Variants in ATP10D observed in about 807,000 individuals in gnomAD.
ATP10D encodes the protein ATPase phospholipid transporting 10D (putative).
Under a neutral mutation model 144.8 loss-of-function variants are expected in ATP10D, and 89 were observed. The ratio of observed to expected loss-of-function variants is 0.61; its 90% confidence interval spans 0.52 to 0.73. The LOEUF (loss-of-function observed/expected upper bound fraction) is 0.73, where lower values mean the gene tolerates loss of function less well. Ranked by LOEUF, ATP10D falls within the 30% of genes least tolerant of loss-of-function variation. The pLI is 0.00. For missense variants in ATP10D, 1,603 were observed against 1,714.8 expected (o/e 0.93, Z 1.15); for synonymous variants, 571 against 615.1 (o/e 0.93, Z 1.06).
At chr4:47,569,412 C>T (rs1387218529) in intron 16 of ATP10D, among the ~76,000 whole-genome samples, 1 of 139,506 alleles carries the variant, frequency 7.2e-6, no homozygotes. Flanking sequence ...CCCAAATCAA[C>T]AAGCTTAAAT....
chr4:47,551,339 C>T (rs921824954), intron 10 of ATP10D, among the ~76,000 whole-genome samples: 3 of 152,156 alleles, frequency 2.0e-5, no homozygotes, highest in African/African-American at 7.2e-5. Flanking sequence ...AGACTCTCAC[C>T]AGGAAACCAA....
At chr4:47,562,664 G>A (rs544758509) in intron 14 of ATP10D, among the ~76,000 whole-genome samples, 9 of 152,120 alleles carry the variant, frequency 5.9e-5, no homozygotes, top group African/African-American at 9.6e-5. Flanking sequence ...TGGAATTACC[G>A]TTCAATCCAA....
intron 7 of ATP10D, 22 bp from the exon 8 acceptor site, chr4:47,536,415 A>T (rs767801095): frequency 3.1e-6 from 5 of 1,608,994 alleles, no homozygotes; most frequent in Non-Finnish European, 4.2e-6. Flanking sequence ...CATCCTTTTG[A>T]TGTCTGTGTA....
intron 5 of ATP10D, among the ~76,000 whole-genome samples, chr4:47,526,432 C>T (rs1717249437): frequency 6.6e-6 from 1 of 152,078 alleles, no homozygotes; most frequent in South Asian, 2.1e-4. Context: ...TAAAAGGCAC[C>T]CATGAAAAAC....
Position 47,528,626 on chromosome 4 carries a change from G to A in ATP10D, c.776+2984G>A, listed in dbSNP as rs146357572. Among the ~76,000 whole-genome samples, 299 of 151,678 alleles carry A rather than the reference G, an allele frequency of 2.0e-3. 2 individuals carry two copies. The highest frequency in any genetic ancestry group is 6.9e-3 in the African/African-American group (285 of 41,338). On this transcript the variant is annotated intron_variant, in intron 5 of 22. Transcript: ENST00000273859. ...GCATGATAAGAAACACATAAGTGTG[G>A]GTGTGTTCTTAATATAACATTTTCT...
intron 9 of ATP10D, among the ~76,000 whole-genome samples, chr4:47,545,836 AT>A (rs1377898581): frequency 6.6e-6 from 1 of 151,824 alleles, no homozygotes; most frequent in African/African-American, 2.4e-5. Flanking sequence ...CATAGGATCT[AT>A]TATAAATTGT....
rs769460554 is a variant in ATP10D, at chr4:47,536,579, A to G, written c.1143+15A>G. On this transcript the variant is annotated intron_variant, in intron 8 of 22. Transcript: ENST00000273859. ...TTTTGTTACAGGTAATTTTTTATCAAGCTTATGGTAGAATTTTAACATCTT... is the reference window on the plus strand; with the variant it reads ...TTTTGTTACAGGTAATTTTTTATCAGGCTTATGGTAGAATTTTAACATCTT... 7.5e-6 allele frequency: 12 copies of G among 1,610,058 alleles called. No individual in the cohort carries two copies. In the South Asian group the frequency reaches 1.2e-4, roughly 16 times the overall value.
Position 47,523,017 on chromosome 4 carries a change from A to G in ATP10D, c.491A>G (p.Glu164Gly). 1 of 1,605,534 alleles carries G rather than the reference A, an allele frequency of 6.2e-7. No homozygotes were observed. The highest frequency in any genetic ancestry group is 8.5e-7 in the Non-Finnish European group (1 of 1,175,068). Reference protein sequence around the residue: ...NLITKVYSRKEKKYIDRCWKD... With the variant: ...NLITKVYSRKGKKYIDRCWKD... ...TAACTTTTTTTTAATTACAGGAAAG[A>G]GAAAAAATACATTGACCGATGCTGG... is the stretch of plus-strand genomic sequence containing the variant. The change falls in exon 4 of 23, where the codon GAG becomes GGG. Residue 164 changes from glutamate (E) to glycine (G), a missense_variant. Transcript: ENST00000273859.
intron 1 of ATP10D, among the ~76,000 whole-genome samples, chr4:47,503,447 T>C (rs1715824008): frequency 6.6e-6 from 1 of 152,216 alleles, no homozygotes; most frequent in Non-Finnish European, 1.5e-5. Context: ...TGTGCTTCAG[T>C]ACAGTTGACC....
intron 9 of ATP10D, among the ~76,000 whole-genome samples, chr4:47,540,575 A>G (rs1358617855): frequency 6.6e-6 from 1 of 152,180 alleles, no homozygotes; most frequent in East Asian, 1.9e-4. Flanking sequence ...ATAATTTTAG[A>G]TTTACAGAAA....
At position 47,536,984 on chromosome 4, in the gene ATP10D, T is replaced by C. The variant is rs746307375; in HGVS notation, c.1396+46T>C. On this transcript the variant is annotated intron_variant, in intron 9 of 22. Transcript: ENST00000273859. ...AAAACCAACCTTAGCATTGGTCTTTTTTTGAAACCACTTAAGTGTTGGATG... is the reference window on the plus strand; with the variant it reads ...AAAACCAACCTTAGCATTGGTCTTTCTTTGAAACCACTTAAGTGTTGGATG... 5.8e-6 allele frequency: 9 copies of C among 1,550,864 alleles called. No homozygotes were observed. The Admixed American group carries it at 1.9e-4, about 32-fold the overall frequency.
At chr4:47,501,126 A>G (rs10033473) in intron 1 of ATP10D, among the ~76,000 whole-genome samples, 20,247 of 152,196 alleles carry the variant, frequency 0.13, 1,488 homozygotes, top group African/African-American at 0.19. Flanking sequence ...GAGAATATAC[A>G]AGGAAGTGAT....
chr4:47,518,156 A>G (rs1716777735), intron 3 of ATP10D, among the ~76,000 whole-genome samples: 1 of 152,176 alleles, frequency 6.6e-6, no homozygotes, highest in Non-Finnish European at 1.5e-5. Context: ...CCACAAATTT[A>G]GGGTGAAATT....
At chr4:47,514,391 A>C (rs1181956206) in intron 2 of ATP10D, among the ~76,000 whole-genome samples, 1 of 152,224 alleles carries the variant, frequency 6.6e-6, no homozygotes, top group African/African-American at 2.4e-5. Flanking sequence ...CCACCTGGAA[A>C]GAATTGAAGC....
intron 2 of ATP10D, among the ~76,000 whole-genome samples, 171 bp downstream of exon 2, chr4:47,513,001 A>G (rs10049818): frequency 0.019 from 2,836 of 152,222 alleles, 89 homozygotes; most frequent in African/African-American, 0.065. Context: ...TTCACGTAGC[A>G]CTTTCCAATT....
intron 1 of ATP10D, 131 bp from the exon 2 acceptor site, chr4:47,512,373 C>T (rs577914843): frequency 5.0e-6 from 3 of 599,540 alleles, no homozygotes; most frequent in South Asian, 5.1e-5. Context: ...CTAAAGACTA[C>T]TTTTACTTTC....
At chr4:47,519,950 T>C (rs1424559433) in intron 3 of ATP10D, among the ~76,000 whole-genome samples, 1 of 152,196 alleles carries the variant, frequency 6.6e-6, no homozygotes, top group Non-Finnish European at 1.5e-5. Context: ...AGCTAGCCAG[T>C]GATTGGGAAA....
chr4:47,579,289 G>C (rs889042239), intron 19 of ATP10D, among the ~76,000 whole-genome samples: 2 of 152,118 alleles, frequency 1.3e-5, no homozygotes, highest in Admixed American at 6.5e-5. Flanking sequence ...TTATTAACCC[G>C]ATAAATATTT....
At chr4:47,515,417 T>G (rs1716578210) in intron 2 of ATP10D, 59 bp from the exon 3 acceptor site, 13 of 1,389,192 alleles carry the variant, frequency 9.4e-6, no homozygotes, top group Non-Finnish European at 1.3e-5. Flanking sequence ...GTACTTTGCC[T>G]CTGACATCAG....
Sources: gnomAD v4.1 joint callset for allele counts (sites outside exome capture counted in the v4.1 genomes callset) on GRCh38, gnomAD v4.1.1 for gene constraint, MANE v1.5 for transcripts, NCBI Gene and HGNC (gene_info 2026-07-23, HGNC 2026-07-21) for gene names.